Variants in LRP1B observed in about 807,000 individuals in gnomAD.
LRP1B encodes low-density lipoprotein receptor-related protein 1B.
In LRP1B, 217 loss-of-function variants were observed where a neutral mutation model predicts 556.6. That is an observed-to-expected ratio of 0.39 (90% CI 0.35 to 0.44). The LOEUF (loss-of-function observed/expected upper bound fraction) is 0.44. Ranked by LOEUF, LRP1B falls within the 20% of genes least tolerant of loss-of-function variation. LRP1B has a pLI of 1.00. For synonymous variants in LRP1B, 2,047 were observed against 1,865.8 expected (o/e 1.10, Z -2.50); for missense variants, 5,053 against 5,620.8 (o/e 0.90, Z 3.23).
chr2:140,278,740 T>C (rs910294542), intron 84 of LRP1B, among the ~76,000 whole-genome samples: 2 of 152,002 alleles, frequency 1.3e-5, no homozygotes, highest in African/African-American at 2.4e-5. Context: ...TTTTTTCCCC[T>C]CTAAAAATGG....
At chr2:141,233,667 G>C (rs1413585755) in intron 5 of LRP1B, among the ~76,000 whole-genome samples, 1 of 151,998 alleles carries the variant, frequency 6.6e-6, no homozygotes, top group Non-Finnish European at 1.5e-5. Flanking sequence ...ATAATAATAT[G>C]ATTTTGATAT....
In LRP1B at chr2:141,259,683, G is replaced by A. The variant is rs147571128; in HGVS notation, c.344-5042C>T. Among the ~76,000 whole-genome samples the A allele has an allele frequency of 7.9e-3, 1,209 of 152,248 alleles. 57 individuals carry two copies. The highest frequency in any genetic ancestry group is 0.067 in the Admixed American group (1,025 of 15,288). The stretch of plus-strand genomic sequence containing the variant: ...GATATCAGCGAAAAATTGGATTATT[G>A]TTGTATTGAGTCCTTGAGATATCAA... On this transcript the variant is annotated intron_variant, in intron 3 of 90. Coordinates refer to ENST00000389484, the MANE Select transcript of LRP1B (RefSeq NM_018557.3).
intron 2 of LRP1B, among the ~76,000 whole-genome samples, chr2:141,549,930 G>T (rs1685689811): frequency 6.6e-6 from 1 of 152,212 alleles, no homozygotes; most frequent in Non-Finnish European, 1.5e-5. Context: ...AGGAGGCGGA[G>T]GTTGCAGTAA....
chr2:140,260,463 T>G (rs1013617702), intron 86 of LRP1B, among the ~76,000 whole-genome samples: 7 of 151,876 alleles, frequency 4.6e-5, no homozygotes, highest in African/African-American at 1.7e-4. Context: ...TCTCTGTGTA[T>G]GTACATGTGT....
intron 43 of LRP1B, among the ~76,000 whole-genome samples, chr2:140,547,985 AG>A (rs2105039488): frequency 6.6e-6 from 1 of 152,056 alleles, no homozygotes; most frequent in Admixed American, 6.6e-5. Context: ...AAACTTTTAC[AG>A]GAATGATTAC....
At chr2:140,675,926 A>G (rs1311393147) in intron 41 of LRP1B, among the ~76,000 whole-genome samples, 1 of 152,070 alleles carries the variant, frequency 6.6e-6, no homozygotes, top group East Asian at 1.9e-4. Flanking sequence ...TGCTACCTCA[A>G]TGTTTCAGTG....
At chr2:141,448,266 C>A (rs115751518) in intron 3 of LRP1B, among the ~76,000 whole-genome samples, 14,674 of 152,186 alleles carry the variant, frequency 0.096, 1,062 homozygotes, top group Non-Finnish European at 0.14. Context: ...GCCCCTCCCC[C>A]AACCAAGCTC....
chr2:141,605,402 T>C (rs1687884146), intron 2 of LRP1B, among the ~76,000 whole-genome samples: 2 of 152,098 alleles, frequency 1.3e-5, no homozygotes. Flanking sequence ...AAAAAGGTCC[T>C]ATTTGAGTGG....
chr2:141,587,929 T>C (rs1687199589), intron 2 of LRP1B, among the ~76,000 whole-genome samples: 1 of 152,194 alleles, frequency 6.6e-6, no homozygotes, highest in South Asian at 2.1e-4. Flanking sequence ...TACACCAAGG[T>C]TACTTTTCTT....
At chr2:141,071,021 C>T (rs1182017233) in intron 7 of LRP1B, among the ~76,000 whole-genome samples, 8 of 152,208 alleles carry the variant, frequency 5.3e-5, no homozygotes, top group Admixed American at 3.3e-4. Context: ...CAGCATCGTC[C>T]TGATACCAAA....
At chr2:141,439,897 G>T (rs1680898227) in intron 3 of LRP1B, among the ~76,000 whole-genome samples, 1 of 152,172 alleles carries the variant, frequency 6.6e-6, no homozygotes, top group Non-Finnish European at 1.5e-5. Flanking sequence ...TGTCCACATA[G>T]TGTCCAAAAA....
intron 1 of LRP1B, among the ~76,000 whole-genome samples, chr2:142,057,936 C>T (rs1044877755): frequency 1.3e-5 from 2 of 152,060 alleles, no homozygotes; most frequent in Admixed American, 6.6e-5. Context: ...ACTCTTGAAC[C>T]CTTTCTACAG....
At chr2:140,555,786 A>C (rs1680709925) in intron 43 of LRP1B, among the ~76,000 whole-genome samples, 1 of 152,148 alleles carries the variant, frequency 6.6e-6, no homozygotes, top group Admixed American at 6.6e-5. Flanking sequence ...GCTTAGAGGT[A>C]AAACTAATGT....
rs752594124 is a variant in LRP1B at position 140,769,358 on chromosome 2, C to T, written c.5627-14G>A. The T allele has an allele frequency of 6.3e-6, 10 of 1,580,380 alleles. No homozygotes were observed. The highest frequency in any genetic ancestry group is 1.7e-4 in the Middle Eastern group (1 of 5,958). ...ATGATTCTATACCTAAATGCAGGGC[C>T]GGAGATAAGGGGGGGAAGGGAAGCC... On this transcript the variant is annotated splice_polypyrimidine_tract_variant and intron_variant, in intron 34 of 90. Transcript: ENST00000389484.
chr2:141,394,752 G>A (rs1482446512), intron 3 of LRP1B, among the ~76,000 whole-genome samples: 1 of 151,978 alleles, frequency 6.6e-6, no homozygotes, highest in African/African-American at 2.4e-5. Flanking sequence ...AATTCAGTTG[G>A]AACTTTAAAA....
intron 3 of LRP1B, among the ~76,000 whole-genome samples, chr2:141,454,962 C>G (rs1681575662): frequency 6.6e-6 from 1 of 151,610 alleles, no homozygotes; most frequent in Non-Finnish European, 1.5e-5. Flanking sequence ...TTGGCCAAAG[C>G]TTTGTAAATG....
At chr2:141,891,292 A>G (rs1699283983) in intron 1 of LRP1B, among the ~76,000 whole-genome samples, 2 of 152,164 alleles carry the variant, frequency 1.3e-5, no homozygotes, top group Non-Finnish European at 2.9e-5. Context: ...ATTTGGCTGT[A>G]AACATTTTAG....
intron 2 of LRP1B, among the ~76,000 whole-genome samples, chr2:141,763,591 T>C (rs1280144760): frequency 6.6e-6 from 1 of 152,156 alleles, no homozygotes; most frequent in African/African-American, 2.4e-5. Flanking sequence ...TTGTTTGTTA[T>C]GAAACTACGA....
At chr2:140,625,007 G>C (rs1335706845) in intron 41 of LRP1B, among the ~76,000 whole-genome samples, 1 of 152,188 alleles carries the variant, frequency 6.6e-6, no homozygotes, top group Non-Finnish European at 1.5e-5. Flanking sequence ...GGGAAAGAGA[G>C]AGCATAAGAA....
Sources: gnomAD v4.1 joint callset for allele counts (sites outside exome capture counted in the v4.1 genomes callset) on GRCh38, gnomAD v4.1.1 for gene constraint, MANE v1.5 for transcripts, NCBI Gene and HGNC (gene_info 2026-07-23, HGNC 2026-07-21) for gene names.